The following PVR variants were observed in gnomAD, a reference collection of about 807,000 sequenced individuals.
PVR encodes poliovirus receptor.
PVR carries 39 observed loss-of-function variants against 43.3 expected under a neutral mutation model. That is an observed-to-expected ratio of 0.90 (90% CI 0.70 to 1.18). The LOEUF is 1.18. PVR is among the 50% of genes most tolerant of loss of function. The pLI, the probability that PVR is intolerant of heterozygous loss-of-function variation, is 0.00. For synonymous variants in PVR, 224 were observed against 233.2 expected, an observed-to-expected ratio of 0.96 and a Z score of 0.36; for missense variants, 480 against 549.7, an observed-to-expected ratio of 0.87 and a Z score of 1.27.
chr19:44,645,127 T>A (rs1205349134), intron 1 of PVR, among the ~76,000 whole-genome samples: 9 of 83,676 alleles, frequency 1.1e-4, no homozygotes, highest in African/African-American at 3.4e-4. Context: ...TAATATATTA[T>A]AATATATTAT....
At chr19:44,646,649 G>C (rs1183518397) in intron 1 of PVR, among the ~76,000 whole-genome samples, 2 of 152,170 alleles carry the variant, frequency 1.3e-5, no homozygotes, top group African/African-American at 4.8e-5. Context: ...GTGGGAGCCT[G>C]TCATCCCAGC....
chr19:44,647,077 T>TACCCC, intron 1 of PVR, 146 bp from the exon 2 acceptor site: 2 of 311,374 alleles, frequency 6.4e-6, no homozygotes, highest in Middle Eastern at 9.7e-4. Flanking sequence ...GTGCCCCAGT[T>TACCCC]CCCCCTCCCC....
Position 44,643,979 on chromosome 19 carries a change from C to G in PVR, c.-118C>G. 1.3e-6 allele frequency: 1 copy of G among 761,992 alleles called. No homozygotes were observed. The allele number at this position is 761,992 out of a possible 1,614,324, so 47.2% of individuals were successfully genotyped here. ...CCCCAGGCACTGGAGGAGCGGCCCC[C>G]CGGGGATTCCAGGACCTGAGCTCCG... On this transcript the variant is annotated 5_prime_UTR_variant, in exon 1 of 8. Transcript: ENST00000425690.
At chr19:44,650,719 C>T (rs1163954010) in intron 3 of PVR, among the ~76,000 whole-genome samples, 2 of 151,854 alleles carry the variant, frequency 1.3e-5, no homozygotes, top group Admixed American at 6.6e-5. Flanking sequence ...CACACCACCA[C>T]ACCTGGCTAA....
chr19:44,653,136 T>G (rs975702731), intron 3 of PVR, among the ~76,000 whole-genome samples: 89 of 152,100 alleles, frequency 5.9e-4, no homozygotes, highest in African/African-American at 1.9e-3. Flanking sequence ...ACTGTATATG[T>G]GGGGGTGATC....
rs745662288 is a variant in PVR, at chr19:44,661,728, AC to A, written c.1183-9del. On this transcript the variant is annotated splice_polypyrimidine_tract_variant and intron_variant, in intron 7 of 7. Transcript: ENST00000425690. ...AGAGCCCCAAGGCTAAAATTTGAAA[AC>A]CCTCTTCTAGCATGTCTCCTATTCA... The A allele has an allele frequency of 1.2e-6, 2 of 1,613,388 alleles. No homozygotes were observed. The highest frequency in any genetic ancestry group is 1.7e-6 in the Non-Finnish European group (2 of 1,179,564).
intron 3 of PVR, among the ~76,000 whole-genome samples, chr19:44,652,189 G>T (rs973055560): frequency 2.0e-5 from 3 of 152,006 alleles, no homozygotes; most frequent in African/African-American, 7.2e-5. Context: ...AAATTTATTT[G>T]TTTATTTATT....
Position 44,647,284 on chromosome 19 carries a change from G to A in PVR, c.141G>A (p.Leu47=), listed in dbSNP as rs1274589001. The change falls in exon 2 of 8, where the codon CTG becomes CTA. Residue 47 remains leucine (L), a synonymous_variant. Coordinates refer to ENST00000425690, the MANE Select transcript of PVR (RefSeq NM_006505.5). ...VPGFLGDSVT[L]PCYLQVPNME... Reference sequence around the variant, plus strand: ...GCTTCTTGGGCGACTCCGTGACGCTGCCCTGCTACCTACAGGTGCCCAACA... The same window carrying A: ...GCTTCTTGGGCGACTCCGTGACGCTACCCTGCTACCTACAGGTGCCCAACA... 2 of 1,580,592 alleles carry A rather than the reference G, an allele frequency of 1.3e-6. No homozygotes were observed. The highest frequency in any genetic ancestry group is 1.2e-5 in the South Asian group (1 of 86,710).
chr19:44,650,317 C>T (rs1310284909), intron 3 of PVR, among the ~76,000 whole-genome samples: 1 of 152,182 alleles, frequency 6.6e-6, no homozygotes, highest in Non-Finnish European at 1.5e-5. Context: ...TTTACTTGGG[C>T]CATAGTCAAT....
rs371084428 is a variant in PVR, at chr19:44,649,580, C to T, written c.428-229C>T. Among the ~76,000 whole-genome samples, 11 of 152,192 alleles carry T rather than the reference C, an allele frequency of 7.2e-5. No individual in the cohort carries two copies. The East Asian group carries it at 1.2e-3, about 16-fold the overall frequency. ...AAGTAACTGGGATTACTGGCGTGTG[C>T]CACCATACCCTGGCTAATTTTTAAT... On this transcript the variant is annotated intron_variant, in intron 2 of 7. Coordinates refer to ENST00000425690, the MANE Select transcript of PVR (RefSeq NM_006505.5).
At chr19:44,650,556 C>T (rs1002050580) in intron 3 of PVR, among the ~76,000 whole-genome samples, 1 of 148,218 alleles carries the variant, frequency 6.7e-6, no homozygotes, top group Non-Finnish European at 1.5e-5. Flanking sequence ...CCTTTTCTTT[C>T]TTTCCTTTTT....
At chr19:44,657,713 C>T in intron 4 of PVR, 49 bp from the exon 5 acceptor site, 2 of 1,602,612 alleles carry the variant, frequency 1.2e-6, no homozygotes, top group South Asian at 2.2e-5. Flanking sequence ...ATCACTGTCA[C>T]TCCGGACCTG....
At chr19:44,645,769 T>C (rs147042596) in intron 1 of PVR, among the ~76,000 whole-genome samples, 214 of 151,968 alleles carry the variant, frequency 1.4e-3, no homozygotes, top group African/African-American at 5.0e-3. Flanking sequence ...AAAACCAGCC[T>C]GGGCAATATG....
At chr19:44,653,782 C>T (rs1420237141) in intron 3 of PVR, 118 bp from the exon 4 acceptor site, 4 of 734,356 alleles carry the variant, frequency 5.4e-6, no homozygotes, top group Non-Finnish European at 9.7e-6. Context: ...TAGGCCTCTC[C>T]AGCTCCCGCT....
At chr19:44,650,257 C>G in intron 3 of PVR, 152 bp downstream of exon 3, 3 of 687,416 alleles carry the variant, frequency 4.4e-6, no homozygotes, top group Non-Finnish European at 4.6e-6. Flanking sequence ...CCATTGTCTG[C>G]ACCAGCTCCC....
intron 5 of PVR, among the ~76,000 whole-genome samples, 189 bp downstream of exon 5, chr19:44,658,099 A>C (rs191744887): frequency 6.6e-6 from 1 of 151,882 alleles, no homozygotes; most frequent in Admixed American, 6.6e-5. Flanking sequence ...GCCTGGATAC[A>C]CTCCCTCCAC....
chr19:44,657,440 A>G (rs2123766501), intron 4 of PVR, among the ~76,000 whole-genome samples: 1 of 152,314 alleles, frequency 6.6e-6, no homozygotes, highest in Non-Finnish European at 1.5e-5. Flanking sequence ...TGTGGGGAAC[A>G]GACGAGGGGG....
Position 44,647,204 on chromosome 19 carries a change from T to A in PVR, c.80-19T>A. 1 of 1,510,736 alleles carries A rather than the reference T, an allele frequency of 6.6e-7. No homozygotes were observed. The highest frequency in any genetic ancestry group is 8.9e-7 in the Non-Finnish European group (1 of 1,123,118). The allele number at this position is 1,510,736 out of a possible 1,614,324, so 93.6% of individuals were successfully genotyped here. A position where few individuals can be genotyped will look rare whatever the true frequency, so the allele number is the denominator to read the frequency against. On this transcript the variant is annotated intron_variant, in intron 1 of 7. Coordinates refer to ENST00000425690, the MANE Select transcript of PVR (RefSeq NM_006505.5). ...CAAGAACGCCCCGGGTCTGACACCT[T>A]CTCTTCGGTTCTCCGCAGGGGACGT...
intron 6 of PVR, 43 bp downstream of exon 6, chr19:44,658,943 G>T (rs776536324): frequency 1.3e-6 from 2 of 1,586,560 alleles, no homozygotes; most frequent in Non-Finnish European, 1.7e-6. Context: ...CCTACTACGG[G>T]CTCTGTGCTG....
Sources: allele counts gnomAD v4.1 joint callset (sites outside exome capture counted in the v4.1 genomes callset), GRCh38; gene constraint gnomAD v4.1.1; transcripts MANE v1.5; gene names NCBI Gene and HGNC (gene_info 2026-07-23, HGNC 2026-07-21).